Variants in KAZN observed in about 807,000 individuals in gnomAD.
KAZN encodes the protein kazrin.
In KAZN, 40 loss-of-function variants were observed where a neutral mutation model predicts 87.4. That is an observed-to-expected ratio of 0.46 (90% confidence interval 0.36 to 0.60). KAZN has a LOEUF of 0.60. Among genes scored for constraint, KAZN ranks in the 20% least tolerant of loss-of-function variants. The pLI is 0.00. For synonymous variants in KAZN, 466 were observed against 458.3 expected (o/e 1.02, Z -0.22); for missense variants, 898 against 1,073.9 (o/e 0.84, Z 2.29).
chr1:14,183,332 A>G (rs1047921863), intron 2 of KAZN, among the ~76,000 whole-genome samples: 3 of 152,196 alleles, frequency 2.0e-5, no homozygotes, highest in Non-Finnish European at 4.4e-5. Context: ...GGAATCGCGA[A>G]GGGAGCACCT....
intron 1 of KAZN, among the ~76,000 whole-genome samples, chr1:14,793,389 G>C (rs6695860): frequency 0.069 from 10,515 of 152,098 alleles, 485 homozygotes; most frequent in African/African-American, 0.13. Flanking sequence ...CTTCTGCAGC[G>C]CCTACTCCAT....
intron 1 of KAZN, among the ~76,000 whole-genome samples, chr1:14,106,400 A>G (rs537345804): frequency 6.6e-6 from 1 of 152,286 alleles, no homozygotes; most frequent in Non-Finnish European, 1.5e-5. Flanking sequence ...AAGCTAACCT[A>G]TGTGGCTGCT....
chr1:14,514,354 T>TATATATATATTTATATATA (rs1671100367), intron 2 of KAZN, among the ~76,000 whole-genome samples: 23 of 10,982 alleles, frequency 2.1e-3, no homozygotes, highest in African/African-American at 8.1e-3. Flanking sequence ...TTATATATAT[T>TATATATATATTTATATATA]ATATATATAT....
chr1:14,980,711 A>ACC (rs1168167983), intron 2 of KAZN, among the ~76,000 whole-genome samples: 2 of 152,154 alleles, frequency 1.3e-5, no homozygotes, highest in Non-Finnish European at 2.9e-5. Context: ...CATGACAGAG[A>ACC]GGCAGGGGGT....
At chr1:14,968,833 C>T (rs1015567367) in intron 2 of KAZN, among the ~76,000 whole-genome samples, 1 of 152,170 alleles carries the variant, frequency 6.6e-6, no homozygotes, top group Non-Finnish European at 1.5e-5. Context: ...GCTTCCCTAC[C>T]CCAAAGCTTG....
chr1:14,245,527 A>T (rs1649417969), intron 2 of KAZN, among the ~76,000 whole-genome samples: 1 of 152,022 alleles, frequency 6.6e-6, no homozygotes, highest in African/African-American at 2.4e-5. Flanking sequence ...TCACCGTGAT[A>T]AAAAAAATCC....
intron 2 of KAZN, among the ~76,000 whole-genome samples, chr1:14,562,662 A>G (rs1674325427): frequency 6.6e-6 from 1 of 152,168 alleles, no homozygotes; most frequent in South Asian, 2.1e-4. Flanking sequence ...AAACATGGGT[A>G]GTTTCAACCT....
intron 2 of KAZN, among the ~76,000 whole-genome samples, chr1:14,295,401 T>C (rs1027303163): frequency 6.6e-6 from 1 of 152,144 alleles, no homozygotes; most frequent in Non-Finnish European, 1.5e-5. Flanking sequence ...CTCCCTCTCA[T>C]GCACACATAT....
chr1:14,851,598 G>T (rs944364766), intron 1 of KAZN, among the ~76,000 whole-genome samples: 2 of 152,222 alleles, frequency 1.3e-5, no homozygotes, highest in African/African-American at 2.4e-5. Context: ...CCTGGTCAAA[G>T]CTAGGAGTGA....
chr1:14,501,264 C>A (rs1218474530), intron 2 of KAZN, among the ~76,000 whole-genome samples: 1 of 151,982 alleles, frequency 6.6e-6, no homozygotes, highest in Non-Finnish European at 1.5e-5. Context: ...GAGGTTCTAG[C>A]CAGCGCAATT....
intron 2 of KAZN, among the ~76,000 whole-genome samples, chr1:14,379,595 G>A (rs1431140653): frequency 6.6e-6 from 1 of 152,118 alleles, no homozygotes; most frequent in Non-Finnish European, 1.5e-5. Flanking sequence ...TATATTGATG[G>A]TGGCCTGGCA....
intron 1 of KAZN, among the ~76,000 whole-genome samples, chr1:14,046,940 G>C (rs961924014): frequency 6.6e-6 from 1 of 152,180 alleles, no homozygotes; most frequent in African/African-American, 2.4e-5. Flanking sequence ...GTAATCTTAT[G>C]GGGTACACCT....
chr1:14,264,448 C>A (rs923769614), intron 2 of KAZN, among the ~76,000 whole-genome samples: 8 of 152,172 alleles, frequency 5.3e-5, no homozygotes, highest in African/African-American at 1.7e-4. Context: ...GTAATGAGTT[C>A]ATGAAGGTTC....
chr1:14,392,757 TG>T lies in KAZN; in HGVS notation c.250-206220del, dbSNP rs539492360. ...CCCTGGGCGGAGGCGGGTGTGGGGG[TG>T]GGGGGACAAAACTGCACTAGTTAAG... On this transcript the variant is annotated intron_variant, in intron 2 of 16. Coordinates refer to the KAZN transcript ENST00000636203. 2.8e-3 allele frequency among the ~76,000 whole-genome samples: 424 copies of T among 151,072 alleles called. 2 individuals carry two copies. The highest frequency in any genetic ancestry group is 0.01 in the Middle Eastern group (3 of 294).
chr1:14,547,268 T>A (rs1223508961), intron 2 of KAZN, among the ~76,000 whole-genome samples: 1 of 152,220 alleles, frequency 6.6e-6, no homozygotes, highest in Non-Finnish European at 1.5e-5. Flanking sequence ...TTTCTCCCAT[T>A]TTAAGAAATT....
At position 14,303,289 on chromosome 1, in the gene KAZN, G is replaced by A. The variant is rs147967418; in HGVS notation, c.249+122697G>A. The stretch of plus-strand genomic sequence containing the variant: ...AGGTGTGTCTCACTCTGTTGCCCAG[G>A]ATGGAGTGCCGTGGTGAGATCTTGG... On this transcript the variant is annotated intron_variant, in intron 2 of 16. Transcript: ENST00000636203. Among the ~76,000 whole-genome samples the A allele has an allele frequency of 4.6e-5, 7 of 152,250 alleles. No homozygotes were observed. The East Asian group carries it at 1.4e-3, about 29-fold the overall frequency.
intron 1 of KAZN, among the ~76,000 whole-genome samples, chr1:14,729,449 C>T (rs911735709): frequency 1.7e-4 from 26 of 152,128 alleles, no homozygotes; most frequent in Non-Finnish European, 3.1e-4. Flanking sequence ...CTTTTATAGG[C>T]GACCCTAATG....
intron 2 of KAZN, among the ~76,000 whole-genome samples, chr1:14,308,101 C>G (rs1306497364): frequency 6.6e-6 from 1 of 152,072 alleles, no homozygotes; most frequent in Admixed American, 6.5e-5. Context: ...CAAAGAAAGA[C>G]AAAGGAATTG....
At chr1:14,430,073 T>C (rs1245640325) in intron 2 of KAZN, among the ~76,000 whole-genome samples, 1 of 152,088 alleles carries the variant, frequency 6.6e-6, no homozygotes. Flanking sequence ...TCATTCCTTC[T>C]GCCTGGAACA....
Sources: gnomAD v4.1 joint callset for allele counts (sites outside exome capture counted in the v4.1 genomes callset) on GRCh38, gnomAD v4.1.1 for gene constraint, MANE v1.5 for transcripts, NCBI Gene and HGNC (gene_info 2026-07-23, HGNC 2026-07-21) for gene names.